KPNA7: variants seen among roughly 807,000 people sequenced by gnomAD.
KPNA7 encodes the protein importin subunit alpha-8.
Under a neutral mutation model 53.7 loss-of-function variants are expected in KPNA7, and 54 were observed. The observed-to-expected ratio is 1.01, with a 90% CI of 0.81 to 1.26. The LOEUF is 1.26. Ranked by LOEUF, KPNA7 falls within the 50% of genes most tolerant of loss-of-function variation. The pLI is 0.00. For synonymous variants in KPNA7, 276 were observed against 259.3 expected, an observed-to-expected ratio of 1.06 and a Z score of -0.62; for missense variants, 640 against 644.5, an observed-to-expected ratio of 0.99 and a Z score of 0.07.
intron 2 of KPNA7, among the ~76,000 whole-genome samples, chr7:99,204,202 G>C (rs978551614): frequency 1.3e-5 from 2 of 152,026 alleles, no homozygotes; most frequent in Non-Finnish European, 2.9e-5. Flanking sequence ...AACATAGCAA[G>C]ACCCTGTTTC....
At chr7:99,170,135 C>T (rs1012189846), downstream of KPNA7, among the ~76,000 whole-genome samples, 6 of 152,136 alleles carry the variant, frequency 3.9e-5, no homozygotes, top group Non-Finnish European at 5.9e-5. Flanking sequence ...TGACAGGCCC[C>T]GCTCACAGCC....
chr7:99,170,903 G>A (rs1798759201), downstream of KPNA7, among the ~76,000 whole-genome samples: 1 of 152,088 alleles, frequency 6.6e-6, no homozygotes, highest in South Asian at 2.1e-4. Flanking sequence ...TTCCAGTCTA[G>A]AACACTTGTC....
At position 99,173,906 on chromosome 7, in the gene KPNA7, C is replaced by T. The variant is rs892990992; in HGVS notation, c.1465-112G>A. 50 of 649,392 alleles carry T rather than the reference C, an allele frequency of 7.7e-5. No homozygotes were observed. The African/African-American group carries it at 8.4e-4, about 11-fold the overall frequency. 40.2% of individuals were successfully genotyped at this position (649,392 alleles called of 1,614,324 possible). On this transcript the variant is annotated intron_variant, in intron 10 of 10. Coordinates refer to ENST00000327442, the MANE Select transcript of KPNA7 (RefSeq NM_001145715.3). ...ATTGACCCTCTTAACCATGTTTAAG[C>T]AGGTAGCTTAGTAGCAATTAAGTAC... is the stretch of plus-strand genomic sequence containing the variant.
Position 99,195,101 on chromosome 7 carries a change from T to C in KPNA7, c.522A>G (p.Glu174=), listed in dbSNP as rs1041711682. ...LLSSSNVAVC[E]QAVWALGNIA... ...TATTACCAAGAGCCCACACTGCCTG[T>C]TCACACACAGCCACGTTGGAGGAAG... The change falls in exon 5 of 11, where the codon GAA becomes GAG. Residue 174 remains glutamate, a synonymous_variant. Transcript: ENST00000327442. The C allele has an allele frequency of 6.4e-7, 1 of 1,551,502 alleles. No individual in the cohort carries two copies. The highest frequency in any genetic ancestry group is 1.4e-5 in the African/African-American group (1 of 72,998).
chr7:99,146,711 TAAAAAAAAAAAAAAAAAAAAAAA>T, the KPNA7 span, among the ~76,000 whole-genome samples: 35 of 70,446 alleles, frequency 5.0e-4, 1 homozygote, highest in Middle Eastern at 8.5e-3. Flanking sequence ...GACTGTGTCT[TAAAAAAAAAAAAAAAAAAAAAAA>T]AAAAAAAAAA....
chr7:99,153,839 G>T, the KPNA7 span, among the ~76,000 whole-genome samples: 1 of 151,886 alleles, frequency 6.6e-6, no homozygotes, highest in Non-Finnish European at 1.5e-5. Context: ...GCCAGGTGTG[G>T]TGGCTCGTGC....
chr7:99,152,634 G>A, the KPNA7 span, among the ~76,000 whole-genome samples: 5 of 152,170 alleles, frequency 3.3e-5, no homozygotes, highest in Admixed American at 1.3e-4. Flanking sequence ...TACTTGGGAC[G>A]TATCTTTGGT....
intron 10 of KPNA7, among the ~76,000 whole-genome samples, chr7:99,175,209 T>TTTTTTTCTA (rs1412702171): frequency 6.6e-6 from 1 of 151,348 alleles, no homozygotes; most frequent in East Asian, 1.9e-4. Context: ...TTGAGAGCAT[T>TTTTTTTCTA]TTTTTTCTAT....
At chr7:99,163,104 C>T in the KPNA7 span, among the ~76,000 whole-genome samples, 1 of 151,632 alleles carries the variant, frequency 6.6e-6, no homozygotes, top group Non-Finnish European at 1.5e-5. Context: ...TCACTTGAAC[C>T]TGGGAGGCGG....
At chr7:99,161,082 G>A in the KPNA7 span, among the ~76,000 whole-genome samples, 16 of 152,074 alleles carry the variant, frequency 1.1e-4, no homozygotes, top group South Asian at 4.1e-4. Context: ...GGTTGGTCTC[G>A]AGCTCCTAAC....
At chr7:99,204,598 G>A (rs62473052) in intron 2 of KPNA7, among the ~76,000 whole-genome samples, 11,293 of 152,172 alleles carry the variant, frequency 0.074, 584 homozygotes, top group Non-Finnish European at 0.11. Context: ...GTCATCAGCC[G>A]GGCACCGTGG....
chr7:99,218,943 C>T (rs1791280781), intron 1 of KPNA7, among the ~76,000 whole-genome samples: 1 of 152,254 alleles, frequency 6.6e-6, no homozygotes, highest in Non-Finnish European at 1.5e-5. Flanking sequence ...AGGGACAAGC[C>T]ACCAACCACT....
the KPNA7 span, among the ~76,000 whole-genome samples, chr7:99,161,326 A>C: frequency 6.6e-6 from 1 of 151,970 alleles, no homozygotes; most frequent in Non-Finnish European, 1.5e-5. Flanking sequence ...CAGGAAGCCC[A>C]AGGGAAAGCC....
chr7:99,185,098 A>C lies in KPNA7; in HGVS notation c.965T>G (p.Ile322Ser). Residue 322 changes from isoleucine (I) to serine (S), a missense_variant, in exon 8 of 11, where the codon ATT becomes AGT. Coordinates refer to ENST00000327442, the MANE Select transcript of KPNA7 (RefSeq NM_001145715.3). Reference protein sequence around the residue: ...TGTDEQTQMAIDAGMLNVLPQ... With the variant: ...TGTDEQTQMASDAGMLNVLPQ... ...GAGCACGTTCAGCATACCCGCATCA[A>C]TGGCCATCTGCGTCTGCTCATCTGT... 6.4e-7 allele frequency: 1 copy of C among 1,551,982 alleles called. No individual in the cohort carries two copies. Among genetic ancestry groups the C allele is most frequent in the Non-Finnish European group, 8.7e-7 (1 of 1,147,058 alleles).
intron 10 of KPNA7, among the ~76,000 whole-genome samples, chr7:99,175,933 A>C (rs1038709415): frequency 6.6e-6 from 1 of 152,166 alleles, no homozygotes; most frequent in African/African-American, 2.4e-5. Flanking sequence ...ACCTAAGAGA[A>C]GTGTCACTCT....
intron 10 of KPNA7, among the ~76,000 whole-genome samples, chr7:99,175,057 C>T (rs137909607): frequency 0.023 from 3,497 of 152,104 alleles, 133 homozygotes; most frequent in African/African-American, 0.081. Context: ...GTGATCCACC[C>T]GCCTTGGCCT....
At chr7:99,160,457 T>C in the KPNA7 span, among the ~76,000 whole-genome samples, 4 of 152,048 alleles carry the variant, frequency 2.6e-5, no homozygotes, top group African/African-American at 9.7e-5. Context: ...GCCCATCCAG[T>C]AAATTTTATT....
chr7:99,209,228 G>A (rs1790975369), upstream of KPNA7, among the ~76,000 whole-genome samples: 1 of 152,014 alleles, frequency 6.6e-6, no homozygotes, highest in South Asian at 2.1e-4. Flanking sequence ...AGGGTGGTGA[G>A]GAGACCCGCC....
downstream of KPNA7, among the ~76,000 whole-genome samples, chr7:99,172,710 A>C (rs1470808180): frequency 6.6e-6 from 1 of 152,182 alleles, no homozygotes; most frequent in African/African-American, 2.4e-5. Context: ...AGAGGAAAGA[A>C]GGCCAGTAAC....
Sources: allele counts gnomAD v4.1 joint callset (sites outside exome capture counted in the v4.1 genomes callset), GRCh38; gene constraint gnomAD v4.1.1; transcripts MANE v1.5; gene names NCBI Gene and HGNC (gene_info 2026-07-23, HGNC 2026-07-21).